The following DYSF variants were observed in gnomAD, a reference collection of about 807,000 sequenced individuals.
The protein encoded by DYSF is dystrophy-associated fer-1-like 1.
A neutral mutation model predicts 274.9 loss-of-function variants in DYSF; 212 were observed. That is an observed-to-expected ratio of 0.77 (90% CI 0.69 to 0.86). The LOEUF (loss-of-function observed/expected upper bound fraction) is 0.86. Among genes scored for constraint, DYSF ranks in the 40% least tolerant of loss-of-function variants. The probability of loss-of-function intolerance (pLI) is 0.00; values close to 1 mark genes in which losing one functional copy is unlikely to be tolerated. For missense variants in DYSF, 2,666 were observed against 2,783.2 expected, an observed-to-expected ratio of 0.96 and a Z score of 0.95; for synonymous variants, 1,091 against 1,078.7, an observed-to-expected ratio of 1.01 and a Z score of -0.22.
At chr2:71,601,431 G>C (rs745732983) in intron 34 of DYSF, 68 bp from the exon 35 acceptor site, 20 of 1,590,538 alleles carry the variant, frequency 1.3e-5, no homozygotes, top group Non-Finnish European at 1.6e-5. Flanking sequence ...TAGTCCATGA[G>C]TGTCATGAGG....
chr2:71,480,769 T>G, intron 1 of DYSF, 114 bp from the exon 2 acceptor site: 1 of 941,106 alleles, frequency 1.1e-6, no homozygotes, highest in Non-Finnish European at 1.7e-6. Flanking sequence ...GTTGATTTTG[T>G]AAGATTTCCC....
At chr2:71,495,559 G>C (rs2084297450) in intron 3 of DYSF, among the ~76,000 whole-genome samples, 1 of 152,194 alleles carries the variant, frequency 6.6e-6, no homozygotes, top group Non-Finnish European at 1.5e-5. Context: ...CAGGAGCTAT[G>C]TGGCCTGCCA....
At chr2:71,453,809 C>T in exon 1 of DYSF, 1 of 651,766 alleles carries the variant, frequency 1.5e-6, no homozygotes, top group Non-Finnish European at 2.8e-6. Flanking sequence ...CAGCCTAGCC[C>T]ACTGGAGCAG....
intron 51 of DYSF, among the ~76,000 whole-genome samples, chr2:71,673,711 C>T (rs1002665693): frequency 6.6e-6 from 1 of 152,114 alleles, no homozygotes; most frequent in Non-Finnish European, 1.5e-5. Context: ...GTCCAGCTTG[C>T]CACTTCCTAG....
chr2:71,587,767 C>G (rs751967379), intron 30 of DYSF, among the ~76,000 whole-genome samples: 55 of 152,126 alleles, frequency 3.6e-4, no homozygotes, highest in Non-Finnish European at 6.6e-4. Context: ...GTTTCAGAGC[C>G]CATGTTGAAG....
intron 3 of DYSF, among the ~76,000 whole-genome samples, chr2:71,486,133 G>A (rs771199917): frequency 3.9e-5 from 6 of 152,012 alleles, no homozygotes; most frequent in African/African-American, 1.2e-4. Flanking sequence ...GGTCCCCGGA[G>A]TCATCATGCA....
intron 24 of DYSF, among the ~76,000 whole-genome samples, chr2:71,566,852 C>T (rs547474645): frequency 1.3e-5 from 2 of 152,308 alleles, no homozygotes; most frequent in East Asian, 1.9e-4. Context: ...AGGAGGGAAG[C>T]GTGAGGTGGC....
chr2:71,529,920 G>A (rs1195472665), intron 14 of DYSF, among the ~76,000 whole-genome samples: 1 of 152,184 alleles, frequency 6.6e-6, no homozygotes, highest in African/African-American at 2.4e-5. Context: ...TGTTAAATCA[G>A]TCATTATTGT....
At chr2:71,483,080 G>GA (rs1156390556) in intron 3 of DYSF, among the ~76,000 whole-genome samples, 1 of 152,124 alleles carries the variant, frequency 6.6e-6, no homozygotes, top group Admixed American at 6.5e-5. Flanking sequence ...TAAAAACTCA[G>GA]AAAAAAACCC....
At chr2:71,642,025 A>C (rs1239110202) in intron 41 of DYSF, among the ~76,000 whole-genome samples, 1 of 152,166 alleles carries the variant, frequency 6.6e-6, no homozygotes, top group Non-Finnish European at 1.5e-5. Flanking sequence ...TATTCAGACT[A>C]TCTGTCTCTA....
intron 34 of DYSF, 77 bp from the exon 35 acceptor site, chr2:71,601,422 A>T: frequency 6.4e-7 from 1 of 1,570,312 alleles, no homozygotes; most frequent in Non-Finnish European, 8.8e-7. Context: ...TCACTGACAT[A>T]GTCCATGAGT....
At position 71,553,842 on chromosome 2, in the gene DYSF, A is replaced by G. The variant is rs139754493; in HGVS notation, c.2020A>G (p.Lys674Glu). 7.0e-4 allele frequency: 1,106 copies of G among 1,581,850 alleles called. 4 individuals are homozygous for G. Among genetic ancestry groups the G allele is most frequent in the South Asian group, 1.9e-3 (169 of 90,468 alleles). Residue 674 changes from lysine (K) to glutamate (E), a missense_variant, in exon 21 of 56, where the codon AAA becomes GAA. Physicochemically the swap from Lys to Glu is moderately conservative, Grantham distance 56 (BLOSUM62 1). This residue lies in a region of DYSF where 412 missense variants were observed against 504.0 expected (regional missense o/e 0.82). Transcript: ENST00000410020. ...CTACTACCTACCCTGGGGTAACGTG[A>G]AACCTGTGGTGGTGCTGTCATCCTA... ...HYYYLPWGNV[K>E]PVVVLSSYWE...
intron 42 of DYSF, among the ~76,000 whole-genome samples, chr2:71,649,499 T>C (rs2094620354): frequency 6.6e-6 from 1 of 152,262 alleles, no homozygotes; most frequent in South Asian, 2.1e-4. Context: ...ATTGGATTAT[T>C]TTATTATTGC....
Position 71,586,305 on chromosome 2 carries a change from CT to C in DYSF, c.3403-3287del, listed in dbSNP as rs140673893. Among the ~76,000 whole-genome samples the C allele has an allele frequency of 3.9e-5, 6 of 152,228 alleles. No individual in the cohort carries two copies. In the East Asian group the frequency reaches 5.8e-4, roughly 15 times the overall value. On this transcript the variant is annotated intron_variant, in intron 30 of 55. Transcript: ENST00000410020. ...CCTGGCTCTGGGGGGTGTGTCTCCC[CT>C]GGTGCCCCAGTAATACTTCTTCCTA...
chr2:71,660,994 G>A (rs1248112770), intron 45 of DYSF, among the ~76,000 whole-genome samples: 2 of 151,790 alleles, frequency 1.3e-5, no homozygotes, highest in African/African-American at 4.8e-5. Context: ...GTGCATGCCT[G>A]TGGTTCCAGA....
At chr2:71,683,456 C>G (rs1284205345) in intron 55 of DYSF, among the ~76,000 whole-genome samples, 1 of 152,208 alleles carries the variant, frequency 6.6e-6, no homozygotes. Context: ...TACTTTAGAC[C>G]TTGAAGGGGT....
intron 40 of DYSF, among the ~76,000 whole-genome samples, 181 bp downstream of exon 40, chr2:71,613,591 G>T (rs565505502): frequency 6.6e-6 from 1 of 152,310 alleles, no homozygotes; most frequent in African/African-American, 2.4e-5. Context: ...TCTGGCTGAG[G>T]GGGGTGGGGT....
At chr2:71,520,120 CT>C (rs1464683866) in intron 10 of DYSF, 57 bp from the exon 11 acceptor site, 2 of 1,608,150 alleles carry the variant, frequency 1.2e-6, no homozygotes, top group Non-Finnish European at 1.7e-6. Context: ...ATGCACCACA[CT>C]TTATTTAACG....
At chr2:71,627,941 C>G (rs968144875) in intron 41 of DYSF, among the ~76,000 whole-genome samples, 2 of 152,066 alleles carry the variant, frequency 1.3e-5, no homozygotes, top group Non-Finnish European at 2.9e-5. Context: ...ATAGCTTTTT[C>G]CACCTTGTTA....
Sources: allele counts gnomAD v4.1 joint callset (sites outside exome capture counted in the v4.1 genomes callset), GRCh38; gene constraint gnomAD v4.1.1; regional missense constraint gnomAD v4.1.1; transcripts MANE v1.5; gene names NCBI Gene and HGNC (gene_info 2026-07-23, HGNC 2026-07-21).